JPH3: variants seen among roughly 807,000 people sequenced by gnomAD.
The protein encoded by JPH3 is junctophilin 3.
In JPH3, 11 loss-of-function variants were observed where a neutral mutation model predicts 59.6. The ratio of observed to expected loss-of-function variants is 0.18; its 90% CI spans 0.12 to 0.31. JPH3 has a LOEUF of 0.31. Among genes scored for constraint, JPH3 ranks in the 10% least tolerant of loss-of-function variants. The pLI is 1.00. For synonymous variants in JPH3, 673 were observed against 483.6 expected, an observed-to-expected ratio of 1.39 and a Z score of -5.14; for missense variants, 1,202 against 1,105.7, an observed-to-expected ratio of 1.09 and a Z score of -1.24.
intron 2 of JPH3, among the ~76,000 whole-genome samples, chr16:87,669,431 C>A (rs2032958199): frequency 6.6e-6 from 1 of 152,218 alleles, no homozygotes; most frequent in South Asian, 2.1e-4. Context: ...CAGGTCTCTG[C>A]AACACACGCC....
rs1555538338 is a variant in JPH3 at position 87,653,067 on chromosome 16, T to TG, written c.1160+8033dup. ...CGTGGTCTCCAAGCCAGTCAGTGCCTGCGGGGGGGACTAGAATTCTCACCC... is the reference window on the plus strand; with the variant it reads ...CGTGGTCTCCAAGCCAGTCAGTGCCTGGCGGGGGGGACTAGAATTCTCACCC... On this transcript the variant is annotated intron_variant, in intron 2 of 4. Transcript: ENST00000284262. Among the ~76,000 whole-genome samples, 843 of 150,362 alleles carry TG rather than the reference T, an allele frequency of 5.6e-3. 6 individuals carry two copies. The highest frequency in any genetic ancestry group is 0.017 in the African/African-American group (689 of 39,900).
rs375725253 is a variant in JPH3 at position 87,628,367 on chromosome 16, G to C, written c.383-15891G>C. ...TTGGGCGGTGCCCTCCCTAGCTGCC[G>C]CACTTCAGAGTGAGCCCCCATCCCT... On this transcript the variant is annotated intron_variant, in intron 1 of 4. Transcript: ENST00000284262. Among the ~76,000 whole-genome samples the C allele has an allele frequency of 3.3e-5, 5 of 152,350 alleles. No individual in the cohort carries two copies. The East Asian group carries it at 7.7e-4, about 24-fold the overall frequency.
intron 4 of JPH3, among the ~76,000 whole-genome samples, chr16:87,693,004 G>C (rs963774869): frequency 7.2e-5 from 11 of 152,260 alleles, no homozygotes; most frequent in African/African-American, 2.7e-4. Flanking sequence ...TCAGTGGGCA[G>C]GGCTGGGCCC....
At chr16:87,641,764 A>G (rs1393350318) in intron 1 of JPH3, among the ~76,000 whole-genome samples, 1 of 152,220 alleles carries the variant, frequency 6.6e-6, no homozygotes, top group Non-Finnish European at 1.5e-5. Flanking sequence ...CTGATTGGTG[A>G]TCTTTGCACG....
At chr16:87,676,702 C>A (rs532800401) in intron 2 of JPH3, among the ~76,000 whole-genome samples, 4 of 151,112 alleles carry the variant, frequency 2.6e-5, no homozygotes, top group East Asian at 2.0e-4. Context: ...CCACTGTACT[C>A]CAGCTTGGGT....
intron 3 of JPH3, among the ~76,000 whole-genome samples, chr16:87,685,038 T>C (rs2150875449): frequency 6.6e-6 from 1 of 152,274 alleles, no homozygotes; most frequent in Admixed American, 6.5e-5. Flanking sequence ...CGGATGAGGC[T>C]CTGCGCGCTG....
intron 1 of JPH3, among the ~76,000 whole-genome samples, chr16:87,636,399 C>G (rs1031230037): frequency 2.0e-5 from 3 of 152,200 alleles, no homozygotes; most frequent in Non-Finnish European, 2.9e-5. Context: ...TGGGGGTGGC[C>G]GAGCTGATGG....
chr16:87,650,132 G>C (rs1234833860), intron 2 of JPH3, among the ~76,000 whole-genome samples: 1 of 152,210 alleles, frequency 6.6e-6, no homozygotes, highest in Admixed American at 6.5e-5. Context: ...CATGGGGCAA[G>C]CCTCTTGGTG....
At chr16:87,690,782 T>A (rs55816497) in intron 4 of JPH3, among the ~76,000 whole-genome samples, 4,588 of 152,300 alleles carry the variant, frequency 0.03, 105 homozygotes, top group Non-Finnish European at 0.042. Flanking sequence ...ACGAAACTCC[T>A]GGTTTCCAGG....
chr16:87,630,408 G>C (rs1354449879), intron 1 of JPH3, among the ~76,000 whole-genome samples: 1 of 152,160 alleles, frequency 6.6e-6, no homozygotes, highest in African/African-American at 2.4e-5. Flanking sequence ...CTTCTGGGGA[G>C]ATCACGAACC....
chr16:87,640,758 C>T (rs1408182195), intron 1 of JPH3, among the ~76,000 whole-genome samples: 2 of 152,214 alleles, frequency 1.3e-5, no homozygotes, highest in Non-Finnish European at 2.9e-5. Context: ...ATGTGTTGTT[C>T]ATCTGAAACT....
At chr16:87,658,566 G>A (rs1211254738) in intron 2 of JPH3, among the ~76,000 whole-genome samples, 2 of 151,810 alleles carry the variant, frequency 1.3e-5, no homozygotes, top group Non-Finnish European at 2.9e-5. Flanking sequence ...CAACCCCCCT[G>A]TTTCTCTATC....
intron 2 of JPH3, 175 bp from the exon 3 acceptor site, chr16:87,683,967 T>C (rs2033355512): frequency 1.6e-6 from 1 of 606,416 alleles, no homozygotes; most frequent in Non-Finnish European, 3.0e-6. Context: ...CAGTGATGTT[T>C]ATTGAATGAA....
At chr16:87,693,676 CAA>C (rs1221948990) in intron 4 of JPH3, 1 of 152,312 alleles carries the variant, frequency 6.6e-6, no homozygotes, top group East Asian at 2.0e-4. Context: ...GACTCCATCT[CAA>C]AAGTTTCTCA....
intron 2 of JPH3, among the ~76,000 whole-genome samples, chr16:87,677,971 A>C (rs2033193064): frequency 6.6e-6 from 1 of 152,208 alleles, no homozygotes; most frequent in African/African-American, 2.4e-5. Context: ...CCTGTATGTA[A>C]GGCTGGGTGT....
At chr16:87,634,684 C>T (rs185837474) in intron 1 of JPH3, among the ~76,000 whole-genome samples, 14 of 152,310 alleles carry the variant, frequency 9.2e-5, no homozygotes, top group Admixed American at 6.5e-4. Flanking sequence ...CCATGGGAAA[C>T]GGGCCCTATA....
At chr16:87,685,588 G>T (rs2033397871) in intron 3 of JPH3, among the ~76,000 whole-genome samples, 1 of 152,276 alleles carries the variant, frequency 6.6e-6, no homozygotes, top group Non-Finnish European at 1.5e-5. Context: ...GCTGCGGGAT[G>T]GACGAACGGA....
chr16:87,688,635 G>A (rs751232027), intron 3 of JPH3, among the ~76,000 whole-genome samples: 1 of 152,116 alleles, frequency 6.6e-6, no homozygotes, highest in Non-Finnish European at 1.5e-5. Context: ...TGAGACCTCC[G>A]TCCTCAGAGG....
At chr16:87,647,103 G>A (rs998185260) in intron 2 of JPH3, among the ~76,000 whole-genome samples, 3 of 152,110 alleles carry the variant, frequency 2.0e-5, no homozygotes, top group South Asian at 4.1e-4. Flanking sequence ...CTCCCTTCCT[G>A]GGGCATCCAA....
Sources: gnomAD v4.1 joint callset for allele counts (sites outside exome capture counted in the v4.1 genomes callset) on GRCh38, gnomAD v4.1.1 for gene constraint, MANE v1.5 for transcripts, NCBI Gene and HGNC (gene_info 2026-07-23, HGNC 2026-07-21) for gene names.